RIMKLA: variants seen among roughly 807,000 people sequenced by gnomAD.
RIMKLA encodes N-acetylaspartylglutamate synthase A.
In RIMKLA, 14 loss-of-function variants were observed where a neutral mutation model predicts 32.7. The ratio of observed to expected loss-of-function variants is 0.43; its 90% CI spans 0.28 to 0.67. The LOEUF (loss-of-function observed/expected upper bound fraction) is 0.67. Ranked by LOEUF, RIMKLA falls within the 30% of genes least tolerant of loss-of-function variation. The pLI is 0.18. For synonymous variants in RIMKLA, 176 were observed against 204.1 expected (o/e 0.86, Z 1.18); for missense variants, 410 against 519.0 (o/e 0.79, Z 2.04).
chr1:42,403,541 C>T (rs945729343), intron 2 of RIMKLA, among the ~76,000 whole-genome samples: 4 of 152,154 alleles, frequency 2.6e-5, no homozygotes, highest in African/African-American at 9.7e-5. Flanking sequence ...TTTTCATGCA[C>T]ATCGTTATTC....
At chr1:42,387,240 T>G (rs1376475286) in intron 1 of RIMKLA, among the ~76,000 whole-genome samples, 2 of 151,652 alleles carry the variant, frequency 1.3e-5, no homozygotes, top group African/African-American at 4.9e-5. Context: ...GACTGTTTAT[T>G]TATTTATTTT....
chr1:42,385,808 TTTCCTTCC>T lies in RIMKLA; in HGVS notation c.163+4726_163+4733del, dbSNP rs1275160381. 1.4e-4 allele frequency among the ~76,000 whole-genome samples: 11 copies of T among 75,988 alleles called. 1 individual carries two copies. In the South Asian group the frequency reaches 2.9e-3, roughly 20 times the overall value. The allele number at this position is 75,988 out of a possible 152,430, so 49.9% of individuals were successfully genotyped here. A position where few individuals can be genotyped will look rare whatever the true frequency, so the allele number is the denominator to read the frequency against. On this transcript the variant is annotated intron_variant, in intron 1 of 4. Transcript: ENST00000431473. ...GTTTGTTTCTTTCTTTCTCTCTCTC[TTTCCTTCC>T]TTCCTTCCTTCCTTTCTTTCTTTCT...
At chr1:42,413,800 A>G (rs887978575) in intron 4 of RIMKLA, among the ~76,000 whole-genome samples, 1 of 149,400 alleles carries the variant, frequency 6.7e-6, no homozygotes, top group Non-Finnish European at 1.5e-5. Flanking sequence ...TGGCATGATC[A>G]TGGCTCACTG....
chr1:42,396,563 G>A (rs1288345994), intron 1 of RIMKLA: 1 of 152,152 alleles, frequency 6.6e-6, no homozygotes, highest in Non-Finnish European at 1.5e-5. Flanking sequence ...GTCCACTTGT[G>A]GTTGGTATTT....
rs992366963 is a variant in RIMKLA, at chr1:42,423,337, T to C, written c.*8363T>C. ...TGAAAATCGTCAAACTACACAAAAG[T>C]GGAGAGAATAGTAAACTCCCCAGAA... On this transcript the variant is annotated 3_prime_UTR_variant, in exon 5 of 5. Transcript: ENST00000431473. Among the ~76,000 whole-genome samples the C allele has an allele frequency of 2.0e-5, 3 of 152,146 alleles. No homozygotes were observed. The highest frequency in any genetic ancestry group is 7.2e-5 in the African/African-American group (3 of 41,420).
At chr1:42,414,281 G>A (rs1643226645) in intron 4 of RIMKLA, among the ~76,000 whole-genome samples, 1 of 152,014 alleles carries the variant, frequency 6.6e-6, no homozygotes, top group South Asian at 2.1e-4. Context: ...TAGGATGGCT[G>A]AGTCAGAGGA....
rs576959224 is a variant in RIMKLA at position 42,423,268 on chromosome 1, A to G, written c.*8294A>G. Among the ~76,000 whole-genome samples, 18 of 152,288 alleles carry G rather than the reference A, an allele frequency of 1.2e-4. No individual in the cohort carries two copies. Among genetic ancestry groups the G allele is most frequent in the African/African-American group, 4.3e-4 (18 of 41,560 alleles). ...ACCATTCATATTGTCCTTGAACCCA[A>G]ACACTGGGGAATGTGGCCTATGTTT... is the stretch of plus-strand genomic sequence containing the variant. On this transcript the variant is annotated 3_prime_UTR_variant, in exon 5 of 5. Transcript: ENST00000431473.
At chr1:42,385,844 C>CTCTCTCTCTTTCTT (rs1184237388) in intron 1 of RIMKLA, among the ~76,000 whole-genome samples, 1 of 56,996 alleles carries the variant, frequency 1.8e-5, no homozygotes, top group African/African-American at 6.6e-5. Context: ...TTCTTTCTTT[C>CTCTCTCTCTTTCTT]TCTTTCTTTC....
chr1:42,394,612 G>C (rs1267022395), intron 1 of RIMKLA, among the ~76,000 whole-genome samples: 1 of 152,192 alleles, frequency 6.6e-6, no homozygotes, highest in African/African-American at 2.4e-5. Context: ...TTGTTATGAT[G>C]ATTGAGAATG....
intron 4 of RIMKLA, among the ~76,000 whole-genome samples, chr1:42,411,108 T>C (rs1266258110): frequency 6.6e-6 from 1 of 152,108 alleles, no homozygotes; most frequent in Non-Finnish European, 1.5e-5. Context: ...GGCAGGAGTA[T>C]CACTTAAAGC....
Position 42,385,844 on chromosome 1 carries a change from C to CTCTCTCTCTCTCTCTCTCTT in RIMKLA, c.163+4750_163+4751insCTCTCTCTCTCTCTCTTTCT, listed in dbSNP as rs1184237388. Among the ~76,000 whole-genome samples, 121 of 57,080 alleles carry CTCTCTCTCTCTCTCTCTCTT rather than the reference C, an allele frequency of 2.1e-3. 13 individuals are homozygous for CTCTCTCTCTCTCTCTCTCTT. Among genetic ancestry groups the CTCTCTCTCTCTCTCTCTCTT allele is most frequent in the African/African-American group, 7.7e-3 (116 of 15,142 alleles). The allele number at this position is 57,080 out of a possible 152,430, so 37.4% of individuals were successfully genotyped here. ...CCTTCCTTCCTTTCTTTCTTTCTTT[C>CTCTCTCTCTCTCTCTCTCTT]TCTTTCTTTCTTTCTTTCTTTCTTT... On this transcript the variant is annotated intron_variant, in intron 1 of 4. Transcript: ENST00000431473.
At chr1:42,403,923 C>G (rs1557755678) in intron 2 of RIMKLA, among the ~76,000 whole-genome samples, 2 of 152,324 alleles carry the variant, frequency 1.3e-5, no homozygotes, top group East Asian at 3.9e-4. Context: ...TGCTAGCCAT[C>G]AACTGGGGAC....
intron 1 of RIMKLA, among the ~76,000 whole-genome samples, chr1:42,390,489 C>G (rs12119170): frequency 6.6e-6 from 1 of 151,884 alleles, no homozygotes; most frequent in Non-Finnish European, 1.5e-5. Context: ...GGATCTACTG[C>G]GTATTTGGAG....
rs1405166630 is a variant in RIMKLA, at chr1:42,417,495, C to T, written c.*2521C>T. On this transcript the variant is annotated 3_prime_UTR_variant, in exon 5 of 5. Coordinates refer to ENST00000431473, the MANE Select transcript of RIMKLA (RefSeq NM_173642.4). ...TCTGGTTCTCCGCTTGAACAGCTGA[C>T]CTCGTGCAATCACAGGAACTCTGCG... 6.6e-6 allele frequency: 1 copy of T among 152,246 alleles called. No homozygotes were observed. Among genetic ancestry groups the T allele is most frequent in the Non-Finnish European group, 1.5e-5 (1 of 68,070 alleles). The allele number at this position is 152,246 out of a possible 1,614,324, so 9.4% of individuals were successfully genotyped here.
intron 4 of RIMKLA, 112 bp from the exon 5 acceptor site, chr1:42,414,372 A>G: frequency 8.9e-7 from 1 of 1,122,886 alleles, no homozygotes; most frequent in Non-Finnish European, 1.3e-6. Context: ...ACCTTTTGTG[A>G]TTAATGATCG....
At position 42,380,890 on chromosome 1, in the gene RIMKLA, G is replaced by T. The variant is rs1479322407; in HGVS notation, c.-45G>T. The T allele has an allele frequency of 2.3e-5, 29 of 1,240,632 alleles. No individual in the cohort carries two copies. Among genetic ancestry groups the T allele is most frequent in the Non-Finnish European group, 2.9e-5 (29 of 993,620 alleles). 76.9% of individuals were successfully genotyped at this position (1,240,632 alleles called of 1,614,324 possible). The stretch of plus-strand genomic sequence containing the variant: ...CGCCCTACTGAGCGAGCGGCCCGGG[G>T]CGCCGAGGGGTCCGCGCCGCGCGGG... On this transcript the variant is annotated 5_prime_UTR_variant, in exon 1 of 5. Transcript: ENST00000431473.
intron 1 of RIMKLA, among the ~76,000 whole-genome samples, chr1:42,385,717 CTCTTTCTTTCTT>C (rs35500484): frequency 0.18 from 19,187 of 108,680 alleles, 1,869 homozygotes; most frequent in Non-Finnish European, 0.2. Context: ...TTCTTTCCTT[CTCTTTCTTTCTT>C]TCTTTCTTTC....
intron 1 of RIMKLA, among the ~76,000 whole-genome samples, chr1:42,385,112 A>G (rs11210629): frequency 6.6e-6 from 1 of 152,194 alleles, no homozygotes; most frequent in Non-Finnish European, 1.5e-5. Context: ...CCTCTGAAGA[A>G]CCAGGATTCC....
chr1:42,411,637 TTTTATTTTTATTA>T (rs1364106027), intron 4 of RIMKLA, among the ~76,000 whole-genome samples: 1 of 147,372 alleles, frequency 6.8e-6, no homozygotes, highest in African/African-American at 2.6e-5. Flanking sequence ...ATTTTTGTAT[TTTTATTTTTATTA>T]TTTATTTATT....
Sources: gnomAD v4.1 joint callset for allele counts (sites outside exome capture counted in the v4.1 genomes callset) on GRCh38, gnomAD v4.1.1 for gene constraint, MANE v1.5 for transcripts, NCBI Gene and HGNC (gene_info 2026-07-23, HGNC 2026-07-21) for gene names.